Variants in CNGB1 observed in about 807,000 individuals in gnomAD.
CNGB1 encodes the protein cyclic nucleotide-gated channel beta-1.
Under a neutral mutation model 151.7 loss-of-function variants are expected in CNGB1, and 126 were observed. The ratio of observed to expected loss-of-function variants is 0.83; its 90% CI spans 0.72 to 0.96. CNGB1 has a LOEUF of 0.96. CNGB1 is among the 40% of genes least tolerant of loss of function. The pLI is 0.00. For synonymous variants in CNGB1, 623 were observed against 635.1 expected (o/e 0.98, Z 0.29); for missense variants, 1,698 against 1,627.0 (o/e 1.04, Z -0.75).
intron 14 of CNGB1, among the ~76,000 whole-genome samples, chr16:57,941,723 A>G (rs1961673762): frequency 6.6e-6 from 1 of 152,270 alleles, no homozygotes. Flanking sequence ...GTCATATGTG[A>G]CAAGCCCGCA....
intron 19 of CNGB1, among the ~76,000 whole-genome samples, chr16:57,919,507 T>C (rs774203927): frequency 3.9e-5 from 6 of 152,176 alleles, no homozygotes; most frequent in Non-Finnish European, 8.8e-5. Context: ...GAACTGCTTC[T>C]CAGAAGCTGC....
intron 14 of CNGB1, 79 bp from the exon 15 acceptor site, chr16:57,940,400 A>T (rs1219597211): frequency 1.2e-5 from 17 of 1,378,262 alleles, no homozygotes; most frequent in Non-Finnish European, 7.0e-6. Flanking sequence ...GCTGAGGGCC[A>T]CGCTCTGTGC....
intron 21 of CNGB1, 87 bp from the exon 22 acceptor site, chr16:57,916,266 C>G (rs554116883): frequency 7.5e-7 from 1 of 1,341,078 alleles, no homozygotes; most frequent in African/African-American, 1.4e-5. Context: ...CCCCAAGAAC[C>G]CCACCCTGAA....
At chr16:57,965,575 G>A (rs1962374122) in intron 2 of CNGB1, among the ~76,000 whole-genome samples, 1 of 151,782 alleles carries the variant, frequency 6.6e-6, no homozygotes, top group Non-Finnish European at 1.5e-5. Flanking sequence ...ACAGATTTCT[G>A]CACCTAAATA....
chr16:57,943,393 C>T (rs772574888), intron 14 of CNGB1, among the ~76,000 whole-genome samples: 1 of 152,072 alleles, frequency 6.6e-6, no homozygotes, highest in Non-Finnish European at 1.5e-5. Context: ...CAAGATAGGC[C>T]GGGTGCAGTG....
intron 18 of CNGB1, among the ~76,000 whole-genome samples, chr16:57,922,930 C>T (rs1461738915): frequency 2.0e-5 from 3 of 152,010 alleles, no homozygotes; most frequent in Admixed American, 2.0e-4. Context: ...GTGGTCCTCC[C>T]TGTCCCCACT....
intron 31 of CNGB1, 60 bp from the exon 32 acceptor site, chr16:57,888,134 G>A (rs1215831732): frequency 4.4e-5 from 67 of 1,527,694 alleles, no homozygotes; most frequent in Non-Finnish European, 5.2e-5. Context: ...AGAAAGACTC[G>A]CTTCTGCAGC....
chr16:57,924,032 C>T (rs1335547014), intron 17 of CNGB1, among the ~76,000 whole-genome samples: 4 of 152,152 alleles, frequency 2.6e-5, no homozygotes, highest in African/African-American at 9.7e-5. Flanking sequence ...CCATTAGTGT[C>T]TTGGCTTATG....
intron 21 of CNGB1, 124 bp downstream of exon 21, chr16:57,917,144 C>A: frequency 1.2e-6 from 1 of 820,320 alleles, no homozygotes; most frequent in Non-Finnish European, 2.1e-6. Flanking sequence ...GCACAGCAGC[C>A]GTTCTTGAGA....
intron 16 of CNGB1, chr16:57,937,077 G>C (rs553327110): frequency 6.6e-6 from 1 of 152,578 alleles, no homozygotes; most frequent in Admixed American, 6.5e-5. Flanking sequence ...TGCTGGGTGG[G>C]CAAGATCGTG....
intron 10 of CNGB1, 147 bp from the exon 11 acceptor site, chr16:57,958,632 G>A: frequency 1.5e-6 from 1 of 688,018 alleles, no homozygotes; most frequent in Non-Finnish European, 2.6e-6. Context: ...CAGCCCTGAA[G>A]ACCATTCTCC....
intron 32 of CNGB1, among the ~76,000 whole-genome samples, chr16:57,885,557 CCTCTCT>C (rs1220420237): frequency 1.0e-5 from 1 of 97,622 alleles, no homozygotes; most frequent in Non-Finnish European, 2.1e-5. Context: ...TTCCTTCCTT[CCTCTCT>C]CTCTCTCTCT....
intron 7 of CNGB1, 145 bp from the exon 8 acceptor site, chr16:57,961,060 A>G: frequency 4.0e-6 from 3 of 752,350 alleles, no homozygotes; most frequent in Non-Finnish European, 6.9e-6. Flanking sequence ...GGAAACTCTC[A>G]AAGGGCCCCA....
intron 29 of CNGB1, among the ~76,000 whole-genome samples, chr16:57,900,478 C>T (rs1960355025): frequency 1.3e-5 from 2 of 152,122 alleles, no homozygotes. Context: ...AGGACTGAAA[C>T]CTGGGTTCCT....
chr16:57,890,356 A>G (rs951821697), intron 31 of CNGB1, among the ~76,000 whole-genome samples: 1 of 152,234 alleles, frequency 6.6e-6, no homozygotes, highest in Admixed American at 6.5e-5. Flanking sequence ...GACACGCGCC[A>G]GCTCGGCACT....
At chr16:57,936,743 T>C (rs372621611) in intron 16 of CNGB1, among the ~76,000 whole-genome samples, 92 of 151,090 alleles carry the variant, frequency 6.1e-4, no homozygotes, top group African/African-American at 2.2e-3. Context: ...TGAGATCATG[T>C]CACTGCATTC....
At position 57,949,887 on chromosome 16, in the gene CNGB1, G is replaced by A. The variant is rs186102045; in HGVS notation, c.1035-448C>T. Among the ~76,000 whole-genome samples the A allele has an allele frequency of 2.4e-4, 36 of 152,312 alleles. No homozygotes were observed. The East Asian group carries it at 6.5e-3, about 28-fold the overall frequency. ...TCCCCTCTAGAAATCTCCTGCAGAC[G>A]TATTCACACATGTGCAAAGACATGC... On this transcript the variant is annotated intron_variant, in intron 13 of 32. Transcript: ENST00000251102.
intron 29 of CNGB1, among the ~76,000 whole-genome samples, chr16:57,898,382 G>A (rs917821356): frequency 6.9e-6 from 1 of 145,826 alleles, no homozygotes; most frequent in African/African-American, 2.8e-5. Context: ...TATTCAAATT[G>A]CCTTTTTTTT....
chr16:57,886,560 C>T (rs1389641694), intron 32 of CNGB1, among the ~76,000 whole-genome samples: 1 of 152,206 alleles, frequency 6.6e-6, no homozygotes, highest in East Asian at 1.9e-4. Flanking sequence ...CAGACTTCTA[C>T]TGTCAAACAA....
Sources: gnomAD v4.1 joint callset for allele counts (sites outside exome capture counted in the v4.1 genomes callset) on GRCh38, gnomAD v4.1.1 for gene constraint, MANE v1.5 for transcripts, NCBI Gene and HGNC (gene_info 2026-07-23, HGNC 2026-07-21) for gene names.